Variants in KLF8 observed in about 807,000 individuals in gnomAD.
KLF8 encodes the protein KLF transcription factor 8.
KLF8 carries 10 observed loss-of-function variants against 18.2 expected under a neutral mutation model. That is an observed-to-expected ratio of 0.55 (90% confidence interval 0.34 to 0.93). KLF8 has a LOEUF of 0.93. Among genes scored for constraint, KLF8 ranks in the 40% least tolerant of loss-of-function variants. The pLI, the probability that KLF8 is intolerant of heterozygous loss-of-function variation, is 0.02. For missense variants in KLF8, 264 were observed against 277.9 expected (o/e 0.95, Z 0.36); for synonymous variants, 109 against 97.3 (o/e 1.12, Z -0.71).
At chrX:56,189,642 T>C in the KLF8 span, among the ~76,000 whole-genome samples, 1 of 110,528 alleles carries the variant, frequency 9.0e-6, no homozygotes, top group Non-Finnish European at 1.9e-5. Context: ...AACAATAGAC[T>C]GGATTAAGAA....
chrX:56,042,211 G>A, the KLF8 span, among the ~76,000 whole-genome samples: 40 of 111,803 alleles, frequency 3.6e-4, no homozygotes, highest in African/African-American at 1.3e-3. Context: ...TTACATTGAG[G>A]TTTAATTTGT....
intron 2 of KLF8, among the ~76,000 whole-genome samples, chrX:56,263,703 C>G (rs1316619960): frequency 1.8e-5 from 2 of 112,165 alleles, no homozygotes; most frequent in Non-Finnish European, 3.8e-5. Context: ...ATTATCACAC[C>G]TTAAAATTAA....
the KLF8 span, among the ~76,000 whole-genome samples, chrX:55,938,201 G>A: frequency 4.5e-5 from 5 of 112,085 alleles, no homozygotes; most frequent in African/African-American, 1.3e-4. Context: ...CAAGCCAGAA[G>A]AGATGGGGTG....
intron 5 of KLF8, among the ~76,000 whole-genome samples, chrX:56,283,869 A>G (rs554506111): frequency 3.6e-5 from 4 of 112,285 alleles, no homozygotes; most frequent in African/African-American, 9.7e-5. Context: ...AAGTGATTAT[A>G]TAAGATCACA....
the KLF8 span, among the ~76,000 whole-genome samples, chrX:55,933,136 T>C: frequency 1.7e-4 from 19 of 112,118 alleles, no homozygotes; most frequent in Non-Finnish European, 3.4e-4. Flanking sequence ...AGTTTTCTTA[T>C]GTTTTCTTCA....
chrX:55,912,283 C>G, the KLF8 span, among the ~76,000 whole-genome samples: 3 of 110,901 alleles, frequency 2.7e-5, no homozygotes, highest in African/African-American at 9.8e-5. Flanking sequence ...GTTAGAGGTT[C>G]TCATTTTTTT....
the KLF8 span, chrX:55,961,798 C>T: frequency 3.4e-6 from 1 of 297,500 alleles, no homozygotes; most frequent in African/African-American, 2.7e-5. Context: ...TTCAAAAATA[C>T]CAGAGCAAAG....
At chrX:56,001,118 C>G in the KLF8 span, among the ~76,000 whole-genome samples, 1 of 112,165 alleles carries the variant, frequency 8.9e-6, no homozygotes, top group Non-Finnish European at 1.9e-5. Context: ...GATGCTATCT[C>G]TGGAAATGGC....
the KLF8 span, among the ~76,000 whole-genome samples, chrX:56,205,415 C>T: frequency 8.1e-5 from 9 of 111,601 alleles, no homozygotes; most frequent in Admixed American, 7.6e-4. Context: ...TGTCATAATG[C>T]TCATTTTAAT....
chrX:56,095,018 G>A, the KLF8 span, among the ~76,000 whole-genome samples: 4 of 110,573 alleles, frequency 3.6e-5, no homozygotes, highest in African/African-American at 1.3e-4. Flanking sequence ...AGTTCCAACA[G>A]AACAAAAAAG....
At chrX:56,037,991 C>T in the KLF8 span, among the ~76,000 whole-genome samples, 1 of 111,586 alleles carries the variant, frequency 9.0e-6, no homozygotes, top group African/African-American at 3.3e-5. Flanking sequence ...CTATCCAACC[C>T]AGCCTCTGGT....
the KLF8 span, among the ~76,000 whole-genome samples, chrX:56,105,223 A>T: frequency 9.0e-6 from 1 of 111,718 alleles, no homozygotes; most frequent in Non-Finnish European, 1.9e-5. Context: ...ATAGATGTCT[A>T]TTAGGTCCAC....
the KLF8 span, among the ~76,000 whole-genome samples, chrX:55,936,598 G>A: frequency 1.2e-4 from 14 of 112,974 alleles, no homozygotes; most frequent in South Asian, 7.2e-4. Context: ...CGCAGGAAAC[G>A]CAAGGGGTCA....
chrX:56,236,848 T>G (rs867322425), intron 1 of KLF8, among the ~76,000 whole-genome samples: 1 of 95,072 alleles, frequency 1.1e-5, no homozygotes, highest in Non-Finnish European at 2.1e-5. Context: ...ATGAGTATGT[T>G]TGTGTGTGTG....
the KLF8 span, among the ~76,000 whole-genome samples, chrX:56,094,183 T>TAA: frequency 3.6e-5 from 4 of 110,058 alleles, no homozygotes; most frequent in Non-Finnish European, 7.6e-5. Flanking sequence ...AGGGTAAATT[T>TAA]AAAAAACTAG....
intron 1 of KLF8, among the ~76,000 whole-genome samples, chrX:56,241,174 T>A (rs2066538950): frequency 9.0e-6 from 1 of 111,422 alleles, no homozygotes; most frequent in African/African-American, 3.3e-5. Context: ...AAATCACCCA[T>A]AATTTTTTTT....
chrX:56,083,001 C>T, the KLF8 span, among the ~76,000 whole-genome samples: 377 of 111,995 alleles, frequency 3.4e-3, 2 homozygotes, highest in African/African-American at 0.012. Flanking sequence ...TAATGTGCCT[C>T]TGTGTGGTTC....
At chrX:56,012,832 A>AT in the KLF8 span, among the ~76,000 whole-genome samples, 5 of 111,644 alleles carry the variant, frequency 4.5e-5, no homozygotes, top group Non-Finnish European at 7.5e-5. Flanking sequence ...TACTATTGTC[A>AT]TTTTTCACAG....
intron 1 of KLF8, among the ~76,000 whole-genome samples, chrX:56,243,869 C>T (rs752073619): frequency 1.8e-5 from 2 of 111,520 alleles, no homozygotes; most frequent in Admixed American, 1.9e-4. Flanking sequence ...ACAGAGCTGC[C>T]TGCTGAGGTG....
Sources: gnomAD v4.1 joint callset for allele counts (sites outside exome capture counted in the v4.1 genomes callset) on GRCh38, gnomAD v4.1.1 for gene constraint, MANE v1.5 for transcripts, NCBI Gene and HGNC (gene_info 2026-07-23, HGNC 2026-07-21) for gene names.